Variants in ZFYVE16 observed in about 807,000 individuals in gnomAD.
ZFYVE16 encodes the protein zinc finger FYVE domain-containing protein 16.
ZFYVE16 carries 89 observed loss-of-function variants against 138.1 expected under a neutral mutation model. The observed-to-expected ratio is 0.64, with a 90% CI of 0.54 to 0.77. The LOEUF is 0.77. Among genes scored for constraint, ZFYVE16 ranks in the 30% least tolerant of loss-of-function variants. The pLI, the probability that ZFYVE16 is intolerant of heterozygous loss-of-function variation, is 0.00. For missense variants in ZFYVE16, 1,793 were observed against 1,786.7 expected (o/e 1.00, Z -0.06); for synonymous variants, 596 against 618.3 (o/e 0.96, Z 0.53).
intron 15 of ZFYVE16, among the ~76,000 whole-genome samples, chr5:80,466,079 C>A (rs1293001543): frequency 6.6e-6 from 1 of 151,932 alleles, no homozygotes; most frequent in Admixed American, 6.6e-5. Flanking sequence ...CACCCACCAC[C>A]ACGCCCAGCT....
intron 14 of ZFYVE16, among the ~76,000 whole-genome samples, chr5:80,459,212 G>A (rs1752846495): frequency 6.6e-6 from 1 of 152,180 alleles, no homozygotes; most frequent in Admixed American, 6.5e-5. Flanking sequence ...ACAGGCATGA[G>A]CCACCGCGCC....
rs187360710 is a variant in ZFYVE16 at position 80,416,497 on chromosome 5, T to C, written c.-94+8344T>C. ...TCTCGATCTCTTGACCTCAGGTGATTGCCTGCCTCGGCCTCCCAAAGTGCT... is the reference window on the plus strand; with the variant it reads ...TCTCGATCTCTTGACCTCAGGTGATCGCCTGCCTCGGCCTCCCAAAGTGCT... On this transcript the variant is annotated intron_variant, in intron 1 of 18. Coordinates refer to ENST00000505560, the MANE Select transcript of ZFYVE16 (RefSeq NM_001284236.3). Among the ~76,000 whole-genome samples, 937 of 151,776 alleles carry C rather than the reference T, an allele frequency of 6.2e-3. 10 individuals carry two copies. The highest frequency in any genetic ancestry group is 0.021 in the African/African-American group (865 of 41,328).
intron 15 of ZFYVE16, among the ~76,000 whole-genome samples, chr5:80,465,484 A>C (rs1753653090): frequency 7.5e-6 from 1 of 134,136 alleles, no homozygotes; most frequent in South Asian, 2.3e-4. Flanking sequence ...ACAGCTCACT[A>C]CAGCCTTGAC....
chr5:80,442,043 C>T (rs897198820), intron 5 of ZFYVE16: 2 of 559,606 alleles, frequency 3.6e-6, no homozygotes, highest in Non-Finnish European at 4.5e-6. Flanking sequence ...GGTGATAATA[C>T]CCTAAATTAA....
intron 4 of ZFYVE16, 48 bp from the exon 5 acceptor site, chr5:80,439,888 G>T (rs79006692): frequency 0.038 from 57,492 of 1,528,956 alleles, 1,647 homozygotes; most frequent in African/African-American, 0.14. Flanking sequence ...TCTAGTAGGT[G>T]TAAGTATTCT....
In ZFYVE16 at chr5:80,481,394, T is replaced by C. The variant is rs1240531476; in HGVS notation, c.*4017T>C. ...TCCTGGGATCATCTCACAAGCTGTGTATGTGTGAAACTAACCAGAAGCAGC... is the reference window on the plus strand; with the variant it reads ...TCCTGGGATCATCTCACAAGCTGTGCATGTGTGAAACTAACCAGAAGCAGC... On this transcript the variant is annotated 3_prime_UTR_variant, in exon 19 of 19. Coordinates refer to ENST00000505560, the MANE Select transcript of ZFYVE16 (RefSeq NM_001284236.3). Among the ~76,000 whole-genome samples, 1 of 152,074 alleles carries C rather than the reference T, an allele frequency of 6.6e-6. No homozygotes were observed. Among genetic ancestry groups the C allele is most frequent in the Non-Finnish European group, 1.5e-5 (1 of 68,000 alleles).
chr5:80,422,322 G>C (rs1300797587), intron 1 of ZFYVE16, among the ~76,000 whole-genome samples: 1 of 152,146 alleles, frequency 6.6e-6, no homozygotes, highest in African/African-American at 2.4e-5. Context: ...CCCAATACTT[G>C]AGGCAAGGCA....
intron 1 of ZFYVE16, among the ~76,000 whole-genome samples, chr5:80,418,028 C>T (rs1165845657): frequency 6.6e-6 from 1 of 152,178 alleles, no homozygotes; most frequent in African/African-American, 2.4e-5. Context: ...CTGCAGTTCC[C>T]TAAAGACAAA....
chr5:80,468,805 T>A (rs906706561), intron 15 of ZFYVE16, among the ~76,000 whole-genome samples: 2 of 152,222 alleles, frequency 1.3e-5, no homozygotes, highest in African/African-American at 4.8e-5. Context: ...TTATTTATAA[T>A]AATTTATCTG....
chr5:80,445,499 T>A (rs1445154613), intron 7 of ZFYVE16, 94 bp downstream of exon 7: 7 of 931,426 alleles, frequency 7.5e-6, no homozygotes, highest in East Asian at 2.6e-5. Flanking sequence ...TTTTTTTTTT[T>A]AACACTTTGA....
At chr5:80,455,843 A>G (rs1391343757) in intron 12 of ZFYVE16, 69 bp downstream of exon 12, 3 of 1,280,092 alleles carry the variant, frequency 2.3e-6, no homozygotes, top group South Asian at 1.4e-5. Context: ...AGCAAAGTTT[A>G]TACATTTATA....
chr5:80,447,445 G>C (rs1422647720), intron 7 of ZFYVE16, among the ~76,000 whole-genome samples: 1 of 152,122 alleles, frequency 6.6e-6, no homozygotes, highest in Non-Finnish European at 1.5e-5. Flanking sequence ...CTGTATTAAT[G>C]AAAATTCTCA....
intron 1 of ZFYVE16, among the ~76,000 whole-genome samples, chr5:80,413,441 A>G (rs1276873586): frequency 6.8e-6 from 1 of 147,742 alleles, no homozygotes; most frequent in Admixed American, 7.0e-5. Flanking sequence ...ATTGCACTCC[A>G]GCTTGGGCAA....
rs773581996 is a variant in ZFYVE16, at chr5:80,437,869, G to A, written c.1184G>A (p.Gly395Asp). Residue 395 changes from glycine to aspartate, a missense_variant, in exon 4 of 19, where the codon GGT (glycine) becomes GAT (aspartate). By Grantham distance (94) the Gly-to-Asp change is moderately conservative. Coordinates refer to ENST00000505560, the MANE Select transcript of ZFYVE16 (RefSeq NM_001284236.3). Reference sequence around the variant, plus strand: ...TCATTAATTGAAAGTAAAGCACGGGGTGATTTTTTACCTCAGCATGAACAT... The same window carrying A: ...TCATTAATTGAAAGTAAAGCACGGGATGATTTTTTACCTCAGCATGAACAT... The part of the protein sequence containing the change: ...CGSLIESKAR[G>D]DFLPQHEHKD... 2.5e-6 allele frequency: 4 copies of A among 1,613,950 alleles called. No individual in the cohort carries two copies. The Admixed American group carries it at 5.0e-5, about 20-fold the overall frequency.
Position 80,480,249 on chromosome 5 carries a change from G to A in ZFYVE16, c.*2872G>A, listed in dbSNP as rs1040996060. On this transcript the variant is annotated 3_prime_UTR_variant, in exon 19 of 19. Transcript: ENST00000505560. ...ACTTGCAGGAAATGGGAAACTATAC[G>A]ATAAAAAGTTGTGGAGCTAATCTGG... Among the ~76,000 whole-genome samples the A allele has an allele frequency of 3.9e-5, 6 of 152,092 alleles. No individual in the cohort carries two copies. Among genetic ancestry groups the A allele is most frequent in the South Asian group, 2.1e-4 (1 of 4,836 alleles).
Position 80,472,753 on chromosome 5 carries a change from A to G in ZFYVE16, c.4025-8A>G, listed in dbSNP as rs1417739728. 6.2e-7 allele frequency: 1 copy of G among 1,608,612 alleles called. No individual in the cohort carries two copies. The highest frequency in any genetic ancestry group is 1.7e-5 in the Admixed American group (1 of 58,500). ...CAAAAGAAATGTGAAACTTAGTCTC[A>G]TTTCTAGATGGCTTAATGGTACAAA... On this transcript the variant is annotated splice_region_variant and splice_polypyrimidine_tract_variant and intron_variant, in intron 15 of 18. Coordinates refer to ENST00000505560, the MANE Select transcript of ZFYVE16 (RefSeq NM_001284236.3).
At chr5:80,469,088 TTCTC>T (rs1205022797) in intron 15 of ZFYVE16, among the ~76,000 whole-genome samples, 1 of 150,588 alleles carries the variant, frequency 6.6e-6, no homozygotes, top group Non-Finnish European at 1.5e-5. Context: ...TTTCTTTTCT[TTCTC>T]TCTTTTTTTT....
chr5:80,436,794 G>T lies in ZFYVE16; in HGVS notation c.109G>T (p.Asp37Tyr), dbSNP rs754981332. 1.2e-6 allele frequency: 2 copies of T among 1,613,824 alleles called. No homozygotes were observed. The highest frequency in any genetic ancestry group is 1.1e-5 in the South Asian group (1 of 91,040). ...TCTCCAAGATGTACAAAATGCATAT[G>T]ATTCTAACCACTGCTCAGTTTCTTC... ...DYLQDVQNAYDSNHCSVSSEL... is the reference protein window; with the variant it reads ...DYLQDVQNAYYSNHCSVSSEL... The change falls in exon 4 of 19, where the codon GAT (aspartate) becomes TAT (tyrosine). Residue 37 changes from aspartate to tyrosine, a missense_variant. Transcript: ENST00000505560.
At chr5:80,434,717 T>G (rs1240363947) in intron 3 of ZFYVE16, among the ~76,000 whole-genome samples, 1 of 152,112 alleles carries the variant, frequency 6.6e-6, no homozygotes, top group Non-Finnish European at 1.5e-5. Flanking sequence ...GTGATCCTCC[T>G]GCTTCAGCCT....
Sources: gnomAD v4.1 joint callset for allele counts (sites outside exome capture counted in the v4.1 genomes callset) on GRCh38, gnomAD v4.1.1 for gene constraint, MANE v1.5 for transcripts, NCBI Gene and HGNC (gene_info 2026-07-23, HGNC 2026-07-21) for gene names.